SULT6B1: variants seen among roughly 807,000 people sequenced by gnomAD.
The protein encoded by SULT6B1 is sulfotransferase 6B1.
A neutral mutation model predicts 37.2 loss-of-function variants in SULT6B1; 44 were observed. The ratio of observed to expected loss-of-function variants is 1.18; its 90% CI spans 0.93 to 1.52. The LOEUF (loss-of-function observed/expected upper bound fraction) is 1.52, where lower values mean the gene tolerates loss of function less well. Among genes scored for constraint, SULT6B1 ranks in the 40% most tolerant of loss-of-function variants. The pLI is 0.00. For missense variants in SULT6B1, 450 were observed against 361.0 expected (o/e 1.25, Z -2.00); for synonymous variants, 140 against 126.0 (o/e 1.11, Z -0.74).
At chr2:37,182,423 T>G (rs1676574203) in intron 3 of SULT6B1, among the ~76,000 whole-genome samples, 1 of 152,140 alleles carries the variant, frequency 6.6e-6, no homozygotes, top group African/African-American at 2.4e-5. Context: ...CTGGCTATTT[T>G]TAGTAGGTTG....
chr2:37,169,670 T>C (rs932899163), intron 6 of SULT6B1, among the ~76,000 whole-genome samples: 21 of 152,118 alleles, frequency 1.4e-4, no homozygotes, highest in Non-Finnish European at 2.8e-4. Context: ...AATTTTTATA[T>C]TTTTGGTAGA....
At chr2:37,179,002 AAGCTGGAGTGCAGTG>A (rs554138715) in intron 4 of SULT6B1, among the ~76,000 whole-genome samples, 1 of 152,212 alleles carries the variant, frequency 6.6e-6, no homozygotes, top group Non-Finnish European at 1.5e-5. Context: ...TCGCTTTGCC[AAGCTGGAGTGCAGTG>A]GCGCCATCTC....
intron 4 of SULT6B1, among the ~76,000 whole-genome samples, chr2:37,176,260 CTTTTTTTTT>C (rs34578951): frequency 8.9e-6 from 1 of 112,590 alleles, no homozygotes; most frequent in Non-Finnish European, 1.7e-5. Flanking sequence ...CACGCAATAG[CTTTTTTTTT>C]TTTTTTTTTT....
intron 6 of SULT6B1, among the ~76,000 whole-genome samples, chr2:37,171,159 G>A (rs1017559221): frequency 6.6e-6 from 1 of 152,134 alleles, no homozygotes; most frequent in Non-Finnish European, 1.5e-5. Context: ...AGAATCGCTT[G>A]AACCCAGGAG....
At chr2:37,172,883 T>C (rs958322898) in intron 5 of SULT6B1, among the ~76,000 whole-genome samples, 3 of 151,022 alleles carry the variant, frequency 2.0e-5, no homozygotes, top group African/African-American at 7.3e-5. Flanking sequence ...GATGGAGTCT[T>C]GCTCTGTGGC....
upstream of SULT6B1, chr2:37,188,769 T>A: frequency 2.0e-6 from 1 of 496,310 alleles, no homozygotes; most frequent in South Asian, 2.2e-5. Flanking sequence ...TTAATTCTCA[T>A]CCACCCCTCC....
At chr2:37,176,068 C>T (rs909160332) in intron 4 of SULT6B1, among the ~76,000 whole-genome samples, 2 of 152,074 alleles carry the variant, frequency 1.3e-5, no homozygotes, top group African/African-American at 4.8e-5. Context: ...GGTTAGTGGC[C>T]TACCACATTG....
chr2:37,185,310 T>C (rs1181655371), intron 2 of SULT6B1, among the ~76,000 whole-genome samples: 3 of 152,132 alleles, frequency 2.0e-5, no homozygotes, highest in African/African-American at 7.2e-5. Context: ...ATAGCCCAAA[T>C]GTGAGCAAAG....
intron 4 of SULT6B1, 52 bp downstream of exon 4, chr2:37,179,406 T>G: frequency 2.5e-6 from 4 of 1,604,960 alleles, no homozygotes; most frequent in Non-Finnish European, 3.4e-6. Flanking sequence ...GGTTTTCACA[T>G]TTATGTGGTC....
chr2:37,179,854 G>GA (rs1285917672), intron 3 of SULT6B1, among the ~76,000 whole-genome samples: 7 of 151,962 alleles, frequency 4.6e-5, no homozygotes, highest in African/African-American at 7.3e-5. Context: ...ATGTAAAAAG[G>GA]AAAAAAAGAC....
chr2:37,194,730 G>A (rs1676858414), intron 1 of SULT6B1: 1 of 180,976 alleles, frequency 5.5e-6, no homozygotes, highest in Non-Finnish European at 1.2e-5. Context: ...GTTCTTTGCA[G>A]GAGCCATTCT....
intron 4 of SULT6B1, 25 bp from the exon 5 acceptor site, chr2:37,175,251 T>C (rs534462353): frequency 5.1e-6 from 7 of 1,377,764 alleles, no homozygotes; most frequent in Middle Eastern, 2.3e-4. Flanking sequence ...GGGAAGACTT[T>C]AAGAAATGTC....
At chr2:37,170,967 G>A (rs535759077) in intron 6 of SULT6B1, among the ~76,000 whole-genome samples, 46 of 150,542 alleles carry the variant, frequency 3.1e-4, no homozygotes, top group Non-Finnish European at 5.8e-4. Flanking sequence ...GGCCGGGCGC[G>A]GTGGCTCACG....
intron 1 of SULT6B1, among the ~76,000 whole-genome samples, chr2:37,194,971 A>T (rs1411701874): frequency 7.3e-6 from 1 of 137,542 alleles, no homozygotes; most frequent in African/African-American, 2.7e-5. Context: ...CATTTTTGAG[A>T]CACAGTCTTA....
intron 4 of SULT6B1, 46 bp from the exon 5 acceptor site, chr2:37,175,272 G>A (rs1308556756): frequency 2.8e-6 from 3 of 1,080,474 alleles, no homozygotes; most frequent in Admixed American, 4.6e-5. Context: ...AAATAACTGA[G>A]GTTAAAATGA....
At chr2:37,193,370 G>C (rs55943710), upstream of SULT6B1, among the ~76,000 whole-genome samples, 6,283 of 151,698 alleles carry the variant, frequency 0.041, 195 homozygotes, top group Non-Finnish European at 0.06. Context: ...GCCAAGGCAA[G>C]AGAATCGCTT....
intron 5 of SULT6B1, 84 bp from the exon 6 acceptor site, chr2:37,171,674 TATTC>T: frequency 7.4e-7 from 1 of 1,342,344 alleles, no homozygotes; most frequent in Non-Finnish European, 1.0e-6. Context: ...TCATCAGAGT[TATTC>T]AGCCTAACTC....
At chr2:37,181,915 G>T (rs1316133129) in intron 3 of SULT6B1, among the ~76,000 whole-genome samples, 1 of 152,194 alleles carries the variant, frequency 6.6e-6, no homozygotes, top group South Asian at 2.1e-4. Context: ...TTCAAAGCTG[G>T]CTTAGGGGAT....
rs566303063 is a variant in SULT6B1, at chr2:37,182,095, C to T, written c.402+1330G>A. 7.5e-4 allele frequency among the ~76,000 whole-genome samples: 114 copies of T among 152,226 alleles called. 1 individual carries two copies. The South Asian group carries it at 0.022, about 29-fold the overall frequency. On this transcript the variant is annotated intron_variant, in intron 3 of 6. Transcript: ENST00000535679. ...CTGCTCATTCTAAACCTCCACTTCC[C>T]TAAGGTTTGCTTTCCTACTCTTCCT... is the stretch of plus-strand genomic sequence containing the variant.
Sources: allele counts gnomAD v4.1 joint callset (sites outside exome capture counted in the v4.1 genomes callset), GRCh38; gene constraint gnomAD v4.1.1; transcripts MANE v1.5; gene names NCBI Gene and HGNC (gene_info 2026-07-23, HGNC 2026-07-21).